The following CARS2 variants were observed in gnomAD, a reference collection of about 807,000 sequenced individuals.
The protein encoded by CARS2 is cysteinyl-tRNA synthetase 2, mitochondrial, also known as probable cysteine--tRNA ligase, mitochondrial.
In CARS2, 52 loss-of-function variants were observed where a neutral mutation model predicts 68.8. The observed-to-expected ratio is 0.76, with a 90% CI of 0.61 to 0.95. The LOEUF is 0.95. Among genes scored for constraint, CARS2 ranks in the 40% least tolerant of loss-of-function variants. The pLI is 0.00. For missense variants in CARS2, 780 were observed against 754.2 expected, an observed-to-expected ratio of 1.03 and a Z score of -0.40; for synonymous variants, 314 against 303.6, an observed-to-expected ratio of 1.03 and a Z score of -0.36.
chr13:110,673,283 C>T (rs1170854722), intron 7 of CARS2, among the ~76,000 whole-genome samples: 1 of 152,166 alleles, frequency 6.6e-6, no homozygotes, highest in African/African-American at 2.4e-5. Flanking sequence ...AGACCAATAG[C>T]CCTGATGAAC....
chr13:110,664,761 G>T (rs2062601783), intron 8 of CARS2: 4 of 488,882 alleles, frequency 8.2e-6, no homozygotes, highest in Non-Finnish European at 1.1e-5. Flanking sequence ...GGGCCTGTGG[G>T]AGGTGATGAG....
chr13:110,701,736 A>G (rs1200154481), intron 2 of CARS2, among the ~76,000 whole-genome samples, 181 bp from the exon 3 acceptor site: 2 of 152,260 alleles, frequency 1.3e-5, no homozygotes, highest in Non-Finnish European at 2.9e-5. Context: ...CTGCGCCACA[A>G]GGGTTCTCAG....
rs1887271994 is a variant in CARS2, at chr13:110,641,468, CAT to C, written c.*67_*68del. ...TAGCAGCCCCGACAGGAAGCTTTAA[CAT>C]AAAGCCTTGACCCTGAGAAGCATGG... On this transcript the variant is annotated 3_prime_UTR_variant, in exon 15 of 15. Coordinates refer to ENST00000257347, the MANE Select transcript of CARS2 (RefSeq NM_024537.4). 2 of 1,281,346 alleles carry C rather than the reference CAT, an allele frequency of 1.6e-6. No individual in the cohort carries two copies. The highest frequency in any genetic ancestry group is 2.3e-5 in the East Asian group (1 of 43,394). The allele number at this position is 1,281,346 out of a possible 1,614,324, so 79.4% of individuals were successfully genotyped here.
chr13:110,687,666 A>C, intron 5 of CARS2, 55 bp downstream of exon 5: 1 of 1,158,482 alleles, frequency 8.6e-7, no homozygotes. Context: ...GTGACAGAGT[A>C]AAACTCTGTC....
At chr13:110,662,135 A>T (rs2062518890) in intron 9 of CARS2, among the ~76,000 whole-genome samples, 1 of 152,250 alleles carries the variant, frequency 6.6e-6, no homozygotes, top group African/African-American at 2.4e-5. Context: ...AGTGAAGCTC[A>T]ATAAAGCAAG....
intron 7 of CARS2, among the ~76,000 whole-genome samples, chr13:110,674,030 A>G (rs1352395011): frequency 6.6e-6 from 1 of 152,164 alleles, no homozygotes; most frequent in Admixed American, 6.5e-5. Flanking sequence ...TTCAAGGAGA[A>G]CTACAAACCA....
chr13:110,645,777 G>A, intron 12 of CARS2, 190 bp downstream of exon 12: 2 of 667,864 alleles, frequency 3.0e-6, no homozygotes, highest in South Asian at 4.5e-5. Context: ...AGGCCCGGGA[G>A]GGTCAAGCCC....
intron 10 of CARS2, among the ~76,000 whole-genome samples, chr13:110,647,963 G>T (rs1888369442): frequency 6.6e-6 from 1 of 152,176 alleles, no homozygotes; most frequent in African/African-American, 2.4e-5. Flanking sequence ...ATGCTTTTGA[G>T]GAGTGCTGCT....
chr13:110,651,002 G>A (rs769930280), intron 10 of CARS2, 32 bp downstream of exon 10: 29 of 1,540,288 alleles, frequency 1.9e-5, no homozygotes, highest in East Asian at 4.5e-5. Flanking sequence ...CCGAGCTGGG[G>A]GGGGAGTCCA....
At chr13:110,689,102 C>T (rs1384465391) in intron 3 of CARS2, among the ~76,000 whole-genome samples, 1 of 152,212 alleles carries the variant, frequency 6.6e-6, no homozygotes, top group Non-Finnish European at 1.5e-5. Flanking sequence ...ATCTGCAGCC[C>T]CTGCCACATT....
chr13:110,712,655 C>G (rs1451189404), intron 1 of CARS2: 1 of 606,486 alleles, frequency 1.6e-6, no homozygotes, highest in Non-Finnish European at 3.1e-6. Flanking sequence ...GGAGGGCGGT[C>G]CGGGGAGCTG....
chr13:110,677,404 A>G (rs2062989216), intron 6 of CARS2, among the ~76,000 whole-genome samples: 1 of 143,762 alleles, frequency 7.0e-6, no homozygotes, highest in Non-Finnish European at 1.5e-5. Flanking sequence ...CCAGACAGTC[A>G]CCCTTACCAC....
chr13:110,653,223 G>T lies in CARS2; in HGVS notation c.988-2123C>A, dbSNP rs1161148655. 2.6e-5 allele frequency among the ~76,000 whole-genome samples: 4 copies of T among 152,068 alleles called. No individual in the cohort carries two copies. The highest frequency in any genetic ancestry group is 7.3e-5 in the African/African-American group (3 of 41,366). On this transcript the variant is annotated intron_variant, in intron 9 of 14. Transcript: ENST00000257347. This position sits in a 1 kb window ranked among gnomAD's most constrained non-coding sequence, Gnocchi z 5.6. The stretch of plus-strand genomic sequence containing the variant: ...TATGTGTGTGTGTGTGTTTGTGTGT[G>T]TGTGTGTGAAGAGCCCCTGTCCAAT...
rs1566637587 is a variant in CARS2 at position 110,644,395 on chromosome 13, G to A, written c.1406C>T (p.Ala469Val). ...AATAATAGGACCTACCTGTTGATTT[G>A]CCAGAGAAATTCCAACAGTTTCAAA... Reference protein sequence around the residue: ...QFFETVGISLANQQYVSGDGS... With the variant: ...QFFETVGISLVNQQYVSGDGS... The change falls in exon 13 of 15, where the codon GCA (alanine) becomes GTA (valine). Residue 469 changes from alanine to valine, a missense_variant. Physicochemically the swap from Ala to Val is moderately conservative, Grantham distance 64 (BLOSUM62 0). Transcript: ENST00000257347. The A allele has an allele frequency of 6.2e-7, 1 of 1,613,576 alleles. No individual in the cohort carries two copies. Among genetic ancestry groups the A allele is most frequent in the South Asian group, 1.1e-5 (1 of 91,068 alleles).
Position 110,690,731 on chromosome 13 carries a change from G to A in CARS2, c.394-2713C>T, listed in dbSNP as rs926940367. Among the ~76,000 whole-genome samples, 9 of 152,222 alleles carry A rather than the reference G, an allele frequency of 5.9e-5. 1 individual carries two copies. Among genetic ancestry groups the A allele is most frequent in the African/African-American group, 9.6e-5 (4 of 41,466 alleles). Reference sequence around the variant, plus strand: ...AGGGCACAGGCTCATGGACTTGGCCGCTCCTGCAAGCTGCCTTCCAGGAAA... The same window carrying A: ...AGGGCACAGGCTCATGGACTTGGCCACTCCTGCAAGCTGCCTTCCAGGAAA... On this transcript the variant is annotated intron_variant, in intron 3 of 14. Coordinates refer to ENST00000257347, the MANE Select transcript of CARS2 (RefSeq NM_024537.4).
At chr13:110,644,232 T>A (rs1887789157) in intron 13 of CARS2, 153 bp downstream of exon 13, 8 of 1,417,666 alleles carry the variant, frequency 5.6e-6, no homozygotes, top group Non-Finnish European at 7.7e-6. Context: ...TGGCTCTGAG[T>A]GTGTTTATTT....
chr13:110,679,887 C>A (rs1180778620), intron 6 of CARS2, among the ~76,000 whole-genome samples: 1 of 152,156 alleles, frequency 6.6e-6, no homozygotes, highest in African/African-American at 2.4e-5. Context: ...AAGGTGATGG[C>A]AGCAATGGGT....
chr13:110,686,895 G>A (rs767208504), intron 5 of CARS2, among the ~76,000 whole-genome samples: 10 of 151,676 alleles, frequency 6.6e-5, no homozygotes, highest in Non-Finnish European at 1.2e-4. Context: ...GAGGGTGGGT[G>A]GACGGAGTCT....
At position 110,679,304 on chromosome 13, in the gene CARS2, C is replaced by T. The variant is rs913315541; in HGVS notation, c.656-2201G>A. 7.9e-5 allele frequency among the ~76,000 whole-genome samples: 12 copies of T among 151,744 alleles called. No homozygotes were observed. In the East Asian group the frequency reaches 9.8e-4, roughly 12 times the overall value. On this transcript the variant is annotated intron_variant, in intron 6 of 14. Transcript: ENST00000257347. ...CAGCACTTTGGGAGGCCGAGGCGGG[C>T]GGATCACCTGAGGTCAGGAGTTCGA...
Sources: allele counts gnomAD v4.1 joint callset (sites outside exome capture counted in the v4.1 genomes callset), GRCh38; gene constraint gnomAD v4.1.1; non-coding constraint Gnocchi (gnomAD v3.1); transcripts MANE v1.5; gene names NCBI Gene and HGNC (gene_info 2026-07-23, HGNC 2026-07-21).